The following DHRSX variants were observed in gnomAD, a reference collection of about 807,000 sequenced individuals.
The protein encoded by DHRSX is polyprenol dehydrogenase.
A neutral mutation model predicts 34.0 loss-of-function variants in DHRSX; 31 were observed. That is an observed-to-expected ratio of 0.91 (90% CI 0.69 to 1.23). The LOEUF (loss-of-function observed/expected upper bound fraction) is 1.23. DHRSX is among the 50% of genes most tolerant of loss of function. DHRSX has a pLI of 0.00. For missense variants in DHRSX, 414 were observed against 428.1 expected (o/e 0.97, Z 0.29); for synonymous variants, 201 against 183.8 (o/e 1.09, Z -0.76).
intron 1 of DHRSX, among the ~76,000 whole-genome samples, chrX:2,447,034 C>G (rs984972169): frequency 6.6e-6 from 1 of 150,760 alleles, no homozygotes. Context: ...GGGACCGCCA[C>G]GGGTACACAC....
chrX:2,434,598 G>A lies in DHRSX; in HGVS notation c.110-9294C>T, dbSNP rs190716947. Among the ~76,000 whole-genome samples, 853 of 152,328 alleles carry A rather than the reference G, an allele frequency of 5.6e-3. 8 individuals are homozygous for A. Among genetic ancestry groups the A allele is most frequent in the Middle Eastern group, 0.02 (6 of 294 alleles). On this transcript the variant is annotated intron_variant, in intron 1 of 6. Coordinates refer to ENST00000334651, the MANE Select transcript of DHRSX (RefSeq NM_145177.3). ...AAATGGGAGGATCACTGGAGCCCAG[G>A]AGGTCGAGGCTGCGGCAAGCTATGA...
intron 1 of DHRSX, among the ~76,000 whole-genome samples, chrX:2,443,946 C>A (rs2044095282): frequency 6.7e-6 from 1 of 148,970 alleles, no homozygotes; most frequent in African/African-American, 2.5e-5. Flanking sequence ...GTGGAGCTTG[C>A]AGTGAGCTGA....
At chrX:2,387,506 G>C (rs1455568075) in intron 3 of DHRSX, among the ~76,000 whole-genome samples, 1 of 152,134 alleles carries the variant, frequency 6.6e-6, no homozygotes, top group Non-Finnish European at 1.5e-5. Context: ...ATCCAGCACA[G>C]AGAAAGATGC....
At chrX:2,380,834 A>ATTGTT (rs1174755863) in intron 3 of DHRSX, among the ~76,000 whole-genome samples, 4 of 151,546 alleles carry the variant, frequency 2.6e-5, no homozygotes, top group Non-Finnish European at 4.4e-5. Context: ...TTTTTTGGTT[A>ATTGTT]TTGTTTTGTT....
At chrX:2,429,062 A>C (rs1237294862) in intron 1 of DHRSX, among the ~76,000 whole-genome samples, 1 of 152,172 alleles carries the variant, frequency 6.6e-6, no homozygotes, top group Non-Finnish European at 1.5e-5. Flanking sequence ...GTTCACTTAG[A>C]AAATTGCCGA....
chrX:2,470,378 G>A (rs185092600), intron 1 of DHRSX, among the ~76,000 whole-genome samples: 18 of 150,672 alleles, frequency 1.2e-4, no homozygotes, highest in Non-Finnish European at 2.4e-4. Context: ...CCTGGGTAAC[G>A]TAATGAAACC....
intron 1 of DHRSX, among the ~76,000 whole-genome samples, chrX:2,449,343 C>T (rs2044185168): frequency 6.6e-6 from 1 of 152,110 alleles, no homozygotes; most frequent in Non-Finnish European, 1.5e-5. Flanking sequence ...CAGGCTGTCC[C>T]CTAACACACA....
At chrX:2,316,324 G>A (rs778287264) in intron 3 of DHRSX, among the ~76,000 whole-genome samples, 40 of 152,258 alleles carry the variant, frequency 2.6e-4, no homozygotes, top group Admixed American at 1.4e-3. Context: ...GCTGAGGTGG[G>A]GAAGATCACC....
chrX:2,356,865 T>C (rs2042859894), intron 3 of DHRSX, among the ~76,000 whole-genome samples: 1 of 152,194 alleles, frequency 6.6e-6, no homozygotes, highest in Non-Finnish European at 1.5e-5. Flanking sequence ...ATAGAAAATA[T>C]GAATGAGTGA....
intron 3 of DHRSX, among the ~76,000 whole-genome samples, chrX:2,316,034 G>T (rs1055431693): frequency 7.2e-5 from 11 of 152,058 alleles, no homozygotes; most frequent in African/African-American, 2.7e-4. Context: ...GCTAATTTTT[G>T]TCTTTTTAGT....
intron 3 of DHRSX, among the ~76,000 whole-genome samples, chrX:2,297,224 G>C (rs1387851871): frequency 6.6e-6 from 1 of 152,230 alleles, no homozygotes; most frequent in Non-Finnish European, 1.5e-5. Context: ...CCGAATTCAA[G>C]CGATTCTCCC....
Position 2,299,014 on chromosome X carries a change from A to AAAAAT in DHRSX, c.287-7412_287-7411insATTTT, listed in dbSNP as rs1191716751. 1.5e-3 allele frequency among the ~76,000 whole-genome samples: 192 copies of AAAAAT among 131,550 alleles called. 20 individuals are homozygous for AAAAAT. Among genetic ancestry groups the AAAAAT allele is most frequent in the African/African-American group, 4.9e-3 (159 of 32,382 alleles). The allele number at this position is 131,550 out of a possible 152,430, so 86.3% of individuals were successfully genotyped here. On this transcript the variant is annotated intron_variant, in intron 3 of 6. Coordinates refer to ENST00000334651, the MANE Select transcript of DHRSX (RefSeq NM_145177.3). ...AAAAAAAAAAAAAAAAAAAAAAAAA[A>AAAAAT]TGGGAAAAATGTGGAAGGATTCCTT...
At chrX:2,489,066 A>T (rs368093208) in intron 1 of DHRSX, 50 of 1,613,744 alleles carry the variant, frequency 3.1e-5, no homozygotes, top group Non-Finnish European at 4.0e-5. Context: ...GTCTGGCAGA[A>T]GATCTCGGCC....
chrX:2,266,663 A>G, intron 5 of DHRSX, 77 bp downstream of exon 5: 6 of 1,421,042 alleles, frequency 4.2e-6, no homozygotes, highest in Non-Finnish European at 6.0e-6. Context: ...GGAGCGCCAC[A>G]CCGCACAGAC....
At chrX:2,379,595 GTTTTTTTT>G (rs749144665) in intron 3 of DHRSX, among the ~76,000 whole-genome samples, 1 of 103,924 alleles carries the variant, frequency 9.6e-6, no homozygotes, top group Non-Finnish European at 2.0e-5. Flanking sequence ...GGCAGTGGAG[GTTTTTTTT>G]TTTTTTTTTT....
intron 1 of DHRSX, among the ~76,000 whole-genome samples, chrX:2,495,785 TG>T (rs895917588): frequency 2.0e-5 from 3 of 150,964 alleles, no homozygotes; most frequent in Non-Finnish European, 4.4e-5. Context: ...GAGGGGGGTT[TG>T]GGGGGGACAC....
At chrX:2,475,191 T>C (rs1467001418) in intron 1 of DHRSX, among the ~76,000 whole-genome samples, 3 of 151,472 alleles carry the variant, frequency 2.0e-5, no homozygotes, top group Non-Finnish European at 2.9e-5. Context: ...ATGTGCACAC[T>C]GAAGACATTC....
chrX:2,400,292 T>C (rs1324865198), intron 3 of DHRSX, among the ~76,000 whole-genome samples: 1 of 152,080 alleles, frequency 6.6e-6, no homozygotes, highest in Non-Finnish European at 1.5e-5. Context: ...CCATCAACAC[T>C]CACATCATCC....
intron 3 of DHRSX, among the ~76,000 whole-genome samples, chrX:2,390,144 CTTT>C (rs575599788): frequency 1.8e-4 from 23 of 128,168 alleles, no homozygotes; most frequent in Admixed American, 2.5e-4. Flanking sequence ...GCATTTTAAC[CTTT>C]TTTTTTTTTT....
Sources: gnomAD v4.1 joint callset for allele counts (sites outside exome capture counted in the v4.1 genomes callset) on GRCh38, gnomAD v4.1.1 for gene constraint, MANE v1.5 for transcripts, NCBI Gene and HGNC (gene_info 2026-07-23, HGNC 2026-07-21) for gene names.